LRMDA: variants seen among roughly 807,000 people sequenced by gnomAD.
LRMDA encodes the protein leucine-rich melanocyte differentiation-associated protein.
A neutral mutation model predicts 29.8 loss-of-function variants in LRMDA; 18 were observed. That is an observed-to-expected ratio of 0.60 (90% CI 0.42 to 0.90). The LOEUF is 0.90. Ranked by LOEUF, LRMDA falls within the 40% of genes least tolerant of loss-of-function variation. The pLI is 0.00. For missense variants in LRMDA, 273 were observed against 273.9 expected, an observed-to-expected ratio of 1.00 and a Z score of 0.02; for synonymous variants, 125 against 109.4, an observed-to-expected ratio of 1.14 and a Z score of -0.89.
chr10:75,677,588 A>G (rs1671376517), intron 2 of LRMDA, among the ~76,000 whole-genome samples: 1 of 152,192 alleles, frequency 6.6e-6, no homozygotes, highest in Non-Finnish European at 1.5e-5. Context: ...AAGACTTTTT[A>G]TATGCAAAAA....
At chr10:75,497,172 C>A (rs1251711509) in intron 2 of LRMDA, among the ~76,000 whole-genome samples, 1 of 152,068 alleles carries the variant, frequency 6.6e-6, no homozygotes, top group African/African-American at 2.4e-5. Flanking sequence ...GCATTCACAG[C>A]TCCATGGTTT....
chr10:75,611,368 A>C (rs1308124772), intron 2 of LRMDA, among the ~76,000 whole-genome samples: 1 of 152,150 alleles, frequency 6.6e-6, no homozygotes, highest in Non-Finnish European at 1.5e-5. Context: ...TATTGTAATA[A>C]AATTTACCAT....
At chr10:76,262,307 C>T (rs1381254618) in intron 5 of LRMDA, among the ~76,000 whole-genome samples, 2 of 152,168 alleles carry the variant, frequency 1.3e-5, no homozygotes, top group Admixed American at 6.5e-5. Flanking sequence ...GAAATCTTTA[C>T]CACCAGTGTT....
intron 6 of LRMDA, among the ~76,000 whole-genome samples, chr10:76,356,517 T>A (rs1181846387): frequency 1.3e-5 from 2 of 152,128 alleles, no homozygotes; most frequent in Non-Finnish European, 2.9e-5. Flanking sequence ...TATTTTTTTT[T>A]AAACTGGAGG....
At chr10:76,493,445 G>A (rs770464782) in intron 6 of LRMDA, among the ~76,000 whole-genome samples, 4 of 152,030 alleles carry the variant, frequency 2.6e-5, no homozygotes, top group Non-Finnish European at 5.9e-5. Flanking sequence ...TGCCATCAAA[G>A]AGCCAAGGCC....
intron 2 of LRMDA, among the ~76,000 whole-genome samples, chr10:75,983,373 A>G (rs1847207571): frequency 6.6e-6 from 1 of 152,206 alleles, no homozygotes; most frequent in Non-Finnish European, 1.5e-5. Context: ...TTCTCTCGAA[A>G]CATGATCCCA....
intron 2 of LRMDA, chr10:75,552,657 CTT>C: frequency 2.8e-6 from 1 of 354,626 alleles, no homozygotes; most frequent in Non-Finnish European, 5.7e-6. Flanking sequence ...TCTCTTCAAA[CTT>C]TTTTTTTCTG....
intron 2 of LRMDA, among the ~76,000 whole-genome samples, chr10:75,550,934 C>T (rs1840134042): frequency 6.6e-6 from 1 of 151,920 alleles, no homozygotes; most frequent in Non-Finnish European, 1.5e-5. Context: ...TGGTACTCTT[C>T]CATTTTCTTC....
chr10:75,655,891 C>T (rs79363293), intron 2 of LRMDA, among the ~76,000 whole-genome samples: 2,203 of 152,168 alleles, frequency 0.014, 63 homozygotes, highest in African/African-American at 0.051. Context: ...ACCTGCACAT[C>T]CCTCATCCCA....
intron 6 of LRMDA, among the ~76,000 whole-genome samples, chr10:76,510,472 G>A (rs1024808900): frequency 3.3e-5 from 5 of 152,226 alleles, no homozygotes; most frequent in Admixed American, 3.3e-4. Flanking sequence ...AGAAAAATGA[G>A]CCATGATGAT....
intron 2 of LRMDA, among the ~76,000 whole-genome samples, chr10:75,908,371 A>G (rs543071767): frequency 6.6e-6 from 1 of 152,322 alleles, no homozygotes; most frequent in South Asian, 2.1e-4. Context: ...AAATGTCTCT[A>G]GGCTGACCCA....
chr10:76,239,011 G>A (rs1852217669), intron 5 of LRMDA, among the ~76,000 whole-genome samples: 1 of 152,164 alleles, frequency 6.6e-6, no homozygotes, highest in African/African-American at 2.4e-5. Flanking sequence ...AAGGAAGGGG[G>A]TGAGATGGAT....
At chr10:76,359,035 C>T (rs576472758) in intron 6 of LRMDA, among the ~76,000 whole-genome samples, 1 of 152,184 alleles carries the variant, frequency 6.6e-6, no homozygotes, top group Non-Finnish European at 1.5e-5. Context: ...GAGGCCTCTT[C>T]TCTGTTCTCC....
At chr10:75,937,732 G>A (rs1317387146) in intron 2 of LRMDA, among the ~76,000 whole-genome samples, 9 of 152,168 alleles carry the variant, frequency 5.9e-5, no homozygotes, top group Admixed American at 4.6e-4. Context: ...TGCGGAGCGG[G>A]CGTGTAAGGA....
intron 6 of LRMDA, among the ~76,000 whole-genome samples, chr10:76,445,191 C>T (rs1170764396): frequency 1.3e-5 from 2 of 151,976 alleles, no homozygotes; most frequent in African/African-American, 2.4e-5. Flanking sequence ...GATAATTTGC[C>T]CCTGGATTTT....
chr10:76,144,852 T>G (rs1311748374), intron 5 of LRMDA, among the ~76,000 whole-genome samples: 1 of 152,182 alleles, frequency 6.6e-6, no homozygotes, highest in Non-Finnish European at 1.5e-5. Flanking sequence ...CTCTTATTAT[T>G]TTGAGATACG....
At chr10:75,711,537 T>C (rs1842436145) in intron 2 of LRMDA, among the ~76,000 whole-genome samples, 1 of 152,204 alleles carries the variant, frequency 6.6e-6, no homozygotes, top group Admixed American at 6.5e-5. Context: ...GTAAATAGTT[T>C]TACTAATTTT....
chr10:75,581,420 A>T (rs1006910932), intron 2 of LRMDA, among the ~76,000 whole-genome samples: 1 of 152,182 alleles, frequency 6.6e-6, no homozygotes, highest in Non-Finnish European at 1.5e-5. Flanking sequence ...GAAACAACAG[A>T]TGCTGAAGAG....
chr10:76,397,783 C>T (rs1370728010), intron 6 of LRMDA, among the ~76,000 whole-genome samples: 2 of 152,162 alleles, frequency 1.3e-5, no homozygotes, highest in African/African-American at 4.8e-5. Context: ...GAGGGGACTG[C>T]TGTAGTTCAC....
Sources: gnomAD v4.1 joint callset for allele counts (sites outside exome capture counted in the v4.1 genomes callset) on GRCh38, gnomAD v4.1.1 for gene constraint, MANE v1.5 for transcripts, NCBI Gene and HGNC (gene_info 2026-07-23, HGNC 2026-07-21) for gene names.